Variants in UBASH3A observed in about 807,000 individuals in gnomAD.
UBASH3A encodes the protein ubiquitin associated and SH3 domain containing A.
Under a neutral mutation model 73.5 loss-of-function variants are expected in UBASH3A, and 63 were observed. The ratio of observed to expected loss-of-function variants is 0.86; its 90% CI spans 0.70 to 1.06. UBASH3A has a LOEUF of 1.06. Ranked by LOEUF, UBASH3A falls within the 50% of genes least tolerant of loss-of-function variation. The pLI is 0.00. For missense variants in UBASH3A, 860 were observed against 859.0 expected (o/e 1.00, Z -0.02); for synonymous variants, 363 against 351.1 (o/e 1.03, Z -0.38).
At chr21:42,431,961 G>A in intron 8 of UBASH3A, 142 bp from the exon 9 acceptor site, 2 of 580,426 alleles carry the variant, frequency 3.4e-6, no homozygotes, top group East Asian at 2.9e-5. Context: ...CTAATGATTT[G>A]GGCAAAATGG....
chr21:42,415,134 C>T (rs2053176398), intron 5 of UBASH3A, among the ~76,000 whole-genome samples: 1 of 152,218 alleles, frequency 6.6e-6, no homozygotes, highest in Non-Finnish European at 1.5e-5. Flanking sequence ...CCGCGTTGGT[C>T]CTCCCCAGTG....
Position 42,413,975 on chromosome 21 carries a change from A to G in UBASH3A, c.667+452A>G, listed in dbSNP as rs2146510770. 6.6e-6 allele frequency among the ~76,000 whole-genome samples: 1 copy of G among 152,240 alleles called. No homozygotes were observed. The highest frequency in any genetic ancestry group is 6.5e-5 in the Admixed American group (1 of 15,288). On this transcript the variant is annotated intron_variant, in intron 5 of 14. Coordinates refer to ENST00000319294, the MANE Select transcript of UBASH3A (RefSeq NM_018961.4). The surrounding 1 kb of genome is among the most constrained non-coding windows in gnomAD (Gnocchi z 4.5). ...GTGATTTTTTTCTGTGTCCCTGATG[A>G]GTGGCATGACCTTAATCAAGTCATG... is the stretch of plus-strand genomic sequence containing the variant.
intron 1 of UBASH3A, among the ~76,000 whole-genome samples, chr21:42,405,670 A>G (rs1181330037): frequency 2.0e-5 from 3 of 152,138 alleles, no homozygotes; most frequent in African/African-American, 4.8e-5. Flanking sequence ...TACCTTTGCT[A>G]TATTCCATTC....
intron 9 of UBASH3A, among the ~76,000 whole-genome samples, chr21:42,433,428 C>T (rs1166443197): frequency 6.6e-6 from 1 of 152,172 alleles, no homozygotes; most frequent in Non-Finnish European, 1.5e-5. Flanking sequence ...CACAGGGCCC[C>T]TCACCTCACC....
intron 3 of UBASH3A, chr21:42,410,206 C>T (rs780132628): frequency 3.7e-5 from 26 of 699,840 alleles, no homozygotes; most frequent in Admixed American, 6.0e-5. Flanking sequence ...ACAGGGGCAC[C>T]GGGAAGACAA....
chr21:42,426,618 A>G (rs2053440442), intron 7 of UBASH3A, 79 bp from the exon 8 acceptor site: 4 of 1,541,706 alleles, frequency 2.6e-6, no homozygotes, highest in Non-Finnish European at 3.5e-6. Flanking sequence ...TCTCAAGTAC[A>G]TACATGACCA....
Position 42,416,549 on chromosome 21 carries a change from G to C in UBASH3A, c.775G>C (p.Gly259Arg). The change falls in exon 6 of 15, where the codon GGC (glycine) becomes CGC (arginine). Residue 259 changes from glycine to arginine, a missense_variant. Gly to Arg is a moderately radical substitution (Grantham distance 125, BLOSUM62 -2). Coordinates refer to ENST00000319294, the MANE Select transcript of UBASH3A (RefSeq NM_018961.4). ...LEQLARAIPL[G>R]HSCQWTAALY... ...GCAGCTGGCCAGAGCCATCCCCCTG[G>C]GCCACAGCTGCCAGTGGACCGCAGC... 6.2e-7 allele frequency: 1 copy of C among 1,609,960 alleles called. No homozygotes were observed.
intron 5 of UBASH3A, among the ~76,000 whole-genome samples, chr21:42,415,083 G>T (rs1464247203): frequency 6.6e-6 from 1 of 152,224 alleles, no homozygotes; most frequent in Admixed American, 6.5e-5. Context: ...CTCTGAAGTG[G>T]CCGAGGTCCC....
chr21:42,426,204 C>A (rs1184923314), intron 7 of UBASH3A, among the ~76,000 whole-genome samples: 3 of 152,116 alleles, frequency 2.0e-5, no homozygotes, highest in Non-Finnish European at 2.9e-5. Context: ...TTGGATGAGA[C>A]CCACTCACAG....
chr21:42,442,204 C>T (rs1404454881), intron 11 of UBASH3A, among the ~76,000 whole-genome samples: 1 of 152,216 alleles, frequency 6.6e-6, no homozygotes, highest in Non-Finnish European at 1.5e-5. Flanking sequence ...CTGGAAGACT[C>T]TGGCCCTTCC....
chr21:42,428,885 G>A (rs1262691192), intron 8 of UBASH3A, among the ~76,000 whole-genome samples: 1 of 152,164 alleles, frequency 6.6e-6, no homozygotes, highest in African/African-American at 2.4e-5. Context: ...ACTGGCCACA[G>A]GTCTGGTAGA....
At chr21:42,414,245 C>A (rs1318435828) in intron 5 of UBASH3A, among the ~76,000 whole-genome samples, 1 of 152,176 alleles carries the variant, frequency 6.6e-6, no homozygotes, top group Non-Finnish European at 1.5e-5. Flanking sequence ...AAGCACAGAT[C>A]CTGGCCTGTA....
chr21:42,445,835 A>G (rs552426113), intron 14 of UBASH3A, among the ~76,000 whole-genome samples: 3 of 152,186 alleles, frequency 2.0e-5, no homozygotes, highest in Admixed American at 1.3e-4. Flanking sequence ...CATTGTCCAA[A>G]TAGGGCAGCT....
intron 12 of UBASH3A, 103 bp from the exon 13 acceptor site, chr21:42,443,209 G>A (rs1036232756): frequency 1.4e-6 from 2 of 1,443,880 alleles, no homozygotes; most frequent in Admixed American, 5.2e-5. Flanking sequence ...TTGAGGCAGA[G>A]CCATCCTGGA....
At chr21:42,432,699 A>G (rs2053556921) in intron 9 of UBASH3A, among the ~76,000 whole-genome samples, 1 of 152,228 alleles carries the variant, frequency 6.6e-6, no homozygotes, top group South Asian at 2.1e-4. Context: ...CACAGTTGCT[A>G]GGTTAGCCGA....
chr21:42,412,230 C>T (rs950901229), intron 3 of UBASH3A, among the ~76,000 whole-genome samples: 1 of 152,268 alleles, frequency 6.6e-6, no homozygotes, highest in Non-Finnish European at 1.5e-5. Context: ...GGGGTGGGAG[C>T]CCCGTGGGCA....
intron 7 of UBASH3A, among the ~76,000 whole-genome samples, chr21:42,422,373 G>A (rs1313165096): frequency 6.6e-6 from 1 of 152,196 alleles, no homozygotes; most frequent in Non-Finnish European, 1.5e-5. Context: ...CCCTGTGCCT[G>A]GCTCTGTGCC....
At chr21:42,432,909 C>T (rs1396536087) in intron 9 of UBASH3A, among the ~76,000 whole-genome samples, 2 of 152,144 alleles carry the variant, frequency 1.3e-5, no homozygotes, top group Non-Finnish European at 2.9e-5. Flanking sequence ...GATACAAGAG[C>T]TTAAAGCAAC....
intron 6 of UBASH3A, among the ~76,000 whole-genome samples, chr21:42,416,852 G>A (rs1172476581): frequency 6.6e-6 from 1 of 152,116 alleles, no homozygotes; most frequent in Admixed American, 6.5e-5. Context: ...AGAATGGAGT[G>A]AACCCGGGAG....
Sources: gnomAD v4.1 joint callset for allele counts (sites outside exome capture counted in the v4.1 genomes callset) on GRCh38, gnomAD v4.1.1 for gene constraint, Gnocchi (gnomAD v3.1) non-coding constraint, MANE v1.5 for transcripts, NCBI Gene and HGNC (gene_info 2026-07-23, HGNC 2026-07-21) for gene names.